The following GSE1 variants were observed in gnomAD, a reference collection of about 807,000 sequenced individuals.
GSE1 encodes the protein genetic suppressor element 1.
In GSE1, 32 loss-of-function variants were observed where a neutral mutation model predicts 112.6. That is an observed-to-expected ratio of 0.28 (90% CI 0.21 to 0.38). GSE1 has a LOEUF of 0.38. GSE1 is among the 10% of genes least tolerant of loss of function. The pLI, the probability that GSE1 is intolerant of heterozygous loss-of-function variation, is 1.00. For missense variants in GSE1, 2,348 were observed against 1,699.2 expected, an observed-to-expected ratio of 1.38 and a Z score of -6.71; for synonymous variants, 1,115 against 735.6, an observed-to-expected ratio of 1.52 and a Z score of -8.35.
chr16:85,334,227 T>C (rs2046435770), intron 1 of GSE1, among the ~76,000 whole-genome samples: 1 of 152,034 alleles, frequency 6.6e-6, no homozygotes, highest in South Asian at 2.1e-4. Flanking sequence ...CTTGCAGGAG[T>C]CGAGCTGGTC....
chr16:85,536,474 T>C (rs1210560703), intron 2 of GSE1, among the ~76,000 whole-genome samples: 1 of 152,212 alleles, frequency 6.6e-6, no homozygotes, highest in African/African-American at 2.4e-5. Context: ...GCCTCTGCAG[T>C]CCTTGCCTGT....
At chr16:85,641,517 C>T (rs1463219483) in intron 2 of GSE1, among the ~76,000 whole-genome samples, 1 of 151,184 alleles carries the variant, frequency 6.6e-6, no homozygotes, top group African/African-American at 2.4e-5. Context: ...CCTTGTAGGG[C>T]GGCTGCTGCT....
chr16:85,593,734 A>G (rs1167071991), intron 1 of GSE1: 1 of 152,254 alleles, frequency 6.6e-6, no homozygotes, highest in Non-Finnish European at 1.5e-5. Flanking sequence ...CCTGGTTTTA[A>G]TTGCCCACAA....
At chr16:85,244,905 C>G (rs889189073) in intron 1 of GSE1, among the ~76,000 whole-genome samples, 2 of 150,834 alleles carry the variant, frequency 1.3e-5, no homozygotes, top group South Asian at 4.2e-4. Context: ...GCAGGAGAAT[C>G]GCTTGAACCC....
chr16:85,515,919 C>T (rs1055370000), intron 2 of GSE1, among the ~76,000 whole-genome samples: 2 of 152,300 alleles, frequency 1.3e-5, no homozygotes, highest in East Asian at 3.9e-4. Flanking sequence ...CACCCGGAGC[C>T]TGGGACTCCA....
Position 85,231,168 on chromosome 16 carries a change from A to AGATG in GSE1, c.2283+59380_2283+59383dup, listed in dbSNP as rs765890821. On this transcript the variant is annotated intron_variant, in intron 1 of 2. Transcript: ENST00000637419. Reference sequence around the variant, plus strand: ...TGGATGGAAGGATGGATAGAAGGACAGATGGATGGATGGATGGATGGACAG... The same window carrying AGATG: ...TGGATGGAAGGATGGATAGAAGGACAGATGGATGGATGGATGGATGGATGGACAG... Among the ~76,000 whole-genome samples the AGATG allele has an allele frequency of 4.3e-5, 6 of 140,012 alleles. 1 individual carries two copies. Among genetic ancestry groups the AGATG allele is most frequent in the East Asian group, 2.4e-4 (1 of 4,238 alleles). 91.9% of individuals were successfully genotyped at this position (140,012 alleles called of 152,430 possible). A position where few individuals can be genotyped will look rare whatever the true frequency, so the allele number is the denominator to read the frequency against.
intron 1 of GSE1, among the ~76,000 whole-genome samples, chr16:85,597,574 A>G (rs1383513995): frequency 6.6e-6 from 1 of 152,010 alleles, no homozygotes; most frequent in African/African-American, 2.4e-5. Flanking sequence ...GCCTCAAGCA[A>G]TCCTCCCACC....
At chr16:85,667,995 C>G (rs1405436078) in intron 13 of GSE1, 145 bp from the exon 14 acceptor site, 1 of 629,864 alleles carries the variant, frequency 1.6e-6, no homozygotes, top group Non-Finnish European at 2.7e-6. Context: ...GGCTAGGTCC[C>G]TCCTCTCTAC....
chr16:85,216,036 C>T (rs748411234), intron 1 of GSE1, among the ~76,000 whole-genome samples: 1 of 152,200 alleles, frequency 6.6e-6, no homozygotes, highest in Non-Finnish European at 1.5e-5. Context: ...CCACAGCCAA[C>T]AGGAGTTGGG....
chr16:85,231,352 TGATG>T (rs1234205117), intron 1 of GSE1, among the ~76,000 whole-genome samples: 3 of 146,178 alleles, frequency 2.1e-5, no homozygotes, highest in Admixed American at 6.8e-5. Context: ...GACAGATGGA[TGATG>T]GATGGACAGA....
intron 2 of GSE1, among the ~76,000 whole-genome samples, chr16:85,457,400 A>G (rs940371307): frequency 3.9e-5 from 6 of 152,178 alleles, no homozygotes; most frequent in Non-Finnish European, 7.4e-5. Flanking sequence ...TGCCCACTGC[A>G]GGGGAGAGGC....
chr16:85,608,428 G>C (rs1315687608), upstream of GSE1, among the ~76,000 whole-genome samples: 1 of 152,156 alleles, frequency 6.6e-6, no homozygotes, highest in East Asian at 1.9e-4. Context: ...GCTCTAGGCA[G>C]CTAACGGCTC....
At chr16:85,624,189 G>T (rs113087243) in intron 1 of GSE1, among the ~76,000 whole-genome samples, 4 of 152,190 alleles carry the variant, frequency 2.6e-5, no homozygotes, top group Non-Finnish European at 1.5e-5. Context: ...CCCTGGGGTG[G>T]GGGAGCCAGG....
Position 85,518,148 on chromosome 16 carries a change from C to T in GSE1, c.2465-115766C>T, listed in dbSNP as rs569562494. Among the ~76,000 whole-genome samples, 12 of 152,346 alleles carry T rather than the reference C, an allele frequency of 7.9e-5. 1 individual carries two copies. In the East Asian group the frequency reaches 2.1e-3, roughly 27 times the overall value. ...CCTGCAGAGGCTGCTGCCACGGCCC[C>T]GCCATCCCCGGCCACCCAGACATCT... On this transcript the variant is annotated intron_variant, in intron 2 of 2. Coordinates refer to the GSE1 transcript ENST00000637419.
intron 1 of GSE1, among the ~76,000 whole-genome samples, chr16:85,341,262 T>C: frequency 6.6e-6 from 1 of 152,046 alleles, no homozygotes; most frequent in Non-Finnish European, 1.5e-5. Context: ...GGATCTCAGC[T>C]CACTGCAGCC....
chr16:85,217,911 A>G (rs2075330938), intron 1 of GSE1, among the ~76,000 whole-genome samples: 2 of 151,660 alleles, frequency 1.3e-5, no homozygotes, highest in African/African-American at 4.9e-5. Context: ...TTTTTTATAT[A>G]TATTTTTTGA....
chr16:85,301,138 A>C (rs1320872193), intron 1 of GSE1, among the ~76,000 whole-genome samples: 1 of 152,180 alleles, frequency 6.6e-6, no homozygotes, highest in Non-Finnish European at 1.5e-5. Flanking sequence ...CTCTCCCATC[A>C]CATGGCGCCG....
chr16:85,590,945 C>T (rs2046978640), intron 1 of GSE1, among the ~76,000 whole-genome samples: 1 of 152,162 alleles, frequency 6.6e-6, no homozygotes, highest in Non-Finnish European at 1.5e-5. Context: ...TGGGGGGGAC[C>T]AGACGTGCTC....
At chr16:85,447,081 G>A (rs1210329885) in intron 2 of GSE1, among the ~76,000 whole-genome samples, 2 of 152,104 alleles carry the variant, frequency 1.3e-5, no homozygotes, top group African/African-American at 2.4e-5. Flanking sequence ...GACCCTGCTC[G>A]GGCCTCTCAC....
Sources: gnomAD v4.1 joint callset for allele counts (sites outside exome capture counted in the v4.1 genomes callset) on GRCh38, gnomAD v4.1.1 for gene constraint, MANE v1.5 for transcripts, NCBI Gene and HGNC (gene_info 2026-07-23, HGNC 2026-07-21) for gene names.